FMN1: variants seen among roughly 807,000 people sequenced by gnomAD.
The protein encoded by FMN1 is formin-1.
In FMN1, 110 loss-of-function variants were observed where a neutral mutation model predicts 132.4. The observed-to-expected ratio is 0.83, with a 90% CI of 0.71 to 0.97. The LOEUF (loss-of-function observed/expected upper bound fraction) is 0.97, where lower values mean the gene tolerates loss of function less well. FMN1 is among the 50% of genes least tolerant of loss of function. The pLI, the probability that FMN1 is intolerant of heterozygous loss-of-function variation, is 0.00. For synonymous variants in FMN1, 722 were observed against 651.7 expected (o/e 1.11, Z -1.64); for missense variants, 1,792 against 1,705.3 (o/e 1.05, Z -0.90).
intron 6 of FMN1, among the ~76,000 whole-genome samples, chr15:33,043,525 G>A (rs1393084768): frequency 6.6e-6 from 1 of 152,224 alleles, no homozygotes; most frequent in Non-Finnish European, 1.5e-5. Context: ...TGATTCTGGG[G>A]ACTCCCTGAT....
At chr15:33,128,849 G>T (rs145103634) in intron 4 of FMN1, among the ~76,000 whole-genome samples, 12 of 152,214 alleles carry the variant, frequency 7.9e-5, no homozygotes, top group Non-Finnish European at 1.8e-4. Flanking sequence ...GAAGACAACC[G>T]GAGCAGACTG....
intron 5 of FMN1, among the ~76,000 whole-genome samples, chr15:33,085,523 A>C (rs1349125953): frequency 6.7e-6 from 1 of 150,170 alleles, no homozygotes; most frequent in Non-Finnish European, 1.5e-5. Flanking sequence ...AAATATATAT[A>C]TCACATGTAT....
At chr15:33,156,261 C>G (rs1964664346) in intron 3 of FMN1, among the ~76,000 whole-genome samples, 1 of 141,814 alleles carries the variant, frequency 7.1e-6, no homozygotes, top group Admixed American at 7.2e-5. Flanking sequence ...TGGGGCTGTT[C>G]TCACTCAAGT....
At chr15:33,116,536 T>C (rs950117322) in intron 4 of FMN1, among the ~76,000 whole-genome samples, 2 of 152,212 alleles carry the variant, frequency 1.3e-5, no homozygotes, top group African/African-American at 4.8e-5. Flanking sequence ...CAAGAATCGT[T>C]CTTTGCTCAA....
Position 33,153,667 on chromosome 15 carries a change from G to A in FMN1, c.1248C>T (p.Ala416=), listed in dbSNP as rs918948140. 3.9e-6 allele frequency: 6 copies of A among 1,536,324 alleles called. No homozygotes were observed. The highest frequency in any genetic ancestry group is 5.2e-6 in the Non-Finnish European group (6 of 1,146,964). ...ISSVSASAEG[A]VNKVPLKVIE... ...TCACCTTCAGGGGGACCTTGTTCACGGCCCCCTCGGCACTGGCCGACACAC... is the reference window on the plus strand; with the variant it reads ...TCACCTTCAGGGGGACCTTGTTCACAGCCCCCTCGGCACTGGCCGACACAC... The change falls in exon 4 of 21, where the codon GCC becomes GCT. Residue 416 remains alanine, a synonymous_variant. Coordinates refer to ENST00000616417, the MANE Select transcript of FMN1 (RefSeq NM_001277313.2).
chr15:32,899,419 CTG>C (rs1381552777), intron 14 of FMN1, among the ~76,000 whole-genome samples: 3 of 152,184 alleles, frequency 2.0e-5, no homozygotes, highest in South Asian at 2.1e-4. Context: ...TCTAATTTGC[CTG>C]TGTGTTTCCC....
chr15:33,055,176 T>C (rs2037160432), intron 6 of FMN1, among the ~76,000 whole-genome samples: 1 of 152,210 alleles, frequency 6.6e-6, no homozygotes, highest in Non-Finnish European at 1.5e-5. Flanking sequence ...AGGCTTCAAC[T>C]GCATGATAAA....
chr15:33,120,438 G>C (rs966401202), intron 4 of FMN1, among the ~76,000 whole-genome samples: 2 of 152,038 alleles, frequency 1.3e-5, no homozygotes, highest in Admixed American at 6.5e-5. Flanking sequence ...CCTACACACC[G>C]GCAGGGAAGA....
chr15:32,793,131 T>C (rs1265859628), intron 19 of FMN1, among the ~76,000 whole-genome samples: 1 of 152,168 alleles, frequency 6.6e-6, no homozygotes, highest in Admixed American at 6.5e-5. Context: ...AAGAGGTGTG[T>C]ATAGTTTTTT....
intron 6 of FMN1, among the ~76,000 whole-genome samples, chr15:33,009,158 T>G (rs1196249466): frequency 6.6e-6 from 1 of 152,078 alleles, no homozygotes; most frequent in Non-Finnish European, 1.5e-5. Flanking sequence ...GTTCTGTGGG[T>G]TCTAAATCCA....
chr15:32,967,607 A>G (rs759858788), intron 8 of FMN1, among the ~76,000 whole-genome samples: 29 of 152,254 alleles, frequency 1.9e-4, no homozygotes, highest in Non-Finnish European at 4.0e-4. Flanking sequence ...GGGAAATTAC[A>G]AAGTATAATT....
At chr15:33,169,688 C>T (rs1015542662) in intron 3 of FMN1, among the ~76,000 whole-genome samples, 8 of 149,002 alleles carry the variant, frequency 5.4e-5, no homozygotes, top group Admixed American at 2.0e-4. Context: ...AATGAGAAGG[C>T]GCTGGGCCCG....
intron 7 of FMN1, among the ~76,000 whole-genome samples, chr15:33,005,162 A>G (rs568186366): frequency 1.3e-5 from 2 of 152,228 alleles, no homozygotes; most frequent in South Asian, 2.1e-4. Flanking sequence ...CACGTTGTGC[A>G]TATGTACCCT....
At chr15:33,125,125 G>C (rs1988447) in intron 4 of FMN1, among the ~76,000 whole-genome samples, 52,903 of 152,032 alleles carry the variant, frequency 0.35, 10,112 homozygotes, top group South Asian at 0.41. Context: ...ATTACATCTA[G>C]GGAGGCCAAA....
At chr15:33,185,880 GT>G (rs983019317) in intron 2 of FMN1, among the ~76,000 whole-genome samples, 1 of 152,030 alleles carries the variant, frequency 6.6e-6, no homozygotes, top group African/African-American at 2.4e-5. Context: ...TCAGGAAGAA[GT>G]TTTTTATAAA....
chr15:32,979,533 G>A (rs1251048246), intron 7 of FMN1, among the ~76,000 whole-genome samples: 5 of 128,744 alleles, frequency 3.9e-5, no homozygotes, highest in Non-Finnish European at 6.2e-5. Context: ...TGCAGCCTGC[G>A]CAACAGAGCA....
intron 4 of FMN1, among the ~76,000 whole-genome samples, chr15:33,122,289 G>A (rs374217957): frequency 1.3e-5 from 2 of 150,428 alleles, no homozygotes; most frequent in African/African-American, 2.5e-5. Flanking sequence ...TCCGTAAAAC[G>A]TTGTTGTGTT....
At chr15:33,007,710 TCTA>T (rs1269942874) in intron 7 of FMN1, among the ~76,000 whole-genome samples, 1 of 152,120 alleles carries the variant, frequency 6.6e-6, no homozygotes, top group African/African-American at 2.4e-5. Context: ...AAAAAAAACT[TCTA>T]CTATATTTTA....
At chr15:32,801,923 C>T (rs115781098) in intron 18 of FMN1, among the ~76,000 whole-genome samples, 3,861 of 152,326 alleles carry the variant, frequency 0.025, 173 homozygotes, top group African/African-American at 0.087. Flanking sequence ...TGTTGTCTTT[C>T]CTAGACAAAA....
Sources: allele counts gnomAD v4.1 joint callset (sites outside exome capture counted in the v4.1 genomes callset), GRCh38; gene constraint gnomAD v4.1.1; transcripts MANE v1.5; gene names NCBI Gene and HGNC (gene_info 2026-07-23, HGNC 2026-07-21).